SH3KBP1: variants seen among roughly 807,000 people sequenced by gnomAD.
The protein encoded by SH3KBP1 is SH3 domain containing kinase binding protein 1.
In SH3KBP1, 8 loss-of-function variants were observed where a neutral mutation model predicts 50.1. The observed-to-expected ratio is 0.16, with a 90% CI of 0.09 to 0.29. The LOEUF (loss-of-function observed/expected upper bound fraction) is 0.29, where lower values mean the gene tolerates loss of function less well. Ranked by LOEUF, SH3KBP1 falls within the 10% of genes least tolerant of loss-of-function variation. SH3KBP1 has a pLI of 1.00. For synonymous variants in SH3KBP1, 227 were observed against 218.6 expected, an observed-to-expected ratio of 1.04 and a Z score of -0.34; for missense variants, 377 against 535.2, an observed-to-expected ratio of 0.70 and a Z score of 2.92.
chrX:19,569,043 C>T, intron 13 of SH3KBP1, 60 bp downstream of exon 13: 2 of 1,022,062 alleles, frequency 2.0e-6, no homozygotes, highest in South Asian at 1.9e-5. Context: ...GAAGGCAAGC[C>T]AGGCTCTGAG....
intron 1 of SH3KBP1, among the ~76,000 whole-genome samples, chrX:19,885,153 T>C (rs1306106831): frequency 9.0e-6 from 1 of 110,911 alleles, no homozygotes; most frequent in Non-Finnish European, 1.9e-5. Context: ...ATTGATAAAC[T>C]GGATAAATCT....
At chrX:19,837,352 G>A (rs1290693163) in intron 1 of SH3KBP1, among the ~76,000 whole-genome samples, 1 of 111,713 alleles carries the variant, frequency 9.0e-6, no homozygotes, top group Non-Finnish European at 1.9e-5. Context: ...CTGACAAAGT[G>A]CCAATGCAAA....
At chrX:19,746,568 T>G in intron 2 of SH3KBP1, 127 bp from the exon 3 acceptor site, 1 of 623,962 alleles carries the variant, frequency 1.6e-6, no homozygotes, top group African/African-American at 2.3e-5. Context: ...ACATCATGTT[T>G]TAAAAACACC....
chrX:19,611,283 T>C (rs999636095), intron 8 of SH3KBP1, among the ~76,000 whole-genome samples: 1 of 112,246 alleles, frequency 8.9e-6, no homozygotes, highest in African/African-American at 3.2e-5. Context: ...AAAAACAATA[T>C]AGAAAATGTT....
At chrX:19,542,452 T>C (rs1222484910) in intron 15 of SH3KBP1, among the ~76,000 whole-genome samples, 2 of 111,831 alleles carry the variant, frequency 1.8e-5, no homozygotes, top group East Asian at 5.6e-4. Context: ...ATATACACAT[T>C]GAGATGCCCA....
At chrX:19,543,362 C>T (rs2064990811) in intron 15 of SH3KBP1, among the ~76,000 whole-genome samples, 1 of 111,569 alleles carries the variant, frequency 9.0e-6, no homozygotes, top group Non-Finnish European at 1.9e-5. Context: ...ATTTTAGGAG[C>T]CCTTAGTGAC....
chrX:19,795,839 AT>A (rs2066693316), intron 2 of SH3KBP1, among the ~76,000 whole-genome samples: 1 of 112,033 alleles, frequency 8.9e-6, no homozygotes, highest in South Asian at 3.7e-4. Context: ...GTTTGTAAAA[AT>A]TCAACAGCCG....
rs60032683 is a variant in SH3KBP1 at position 19,732,596 on chromosome X, TACACAC to T, written c.286+13716_286+13721del. 9.3e-3 allele frequency among the ~76,000 whole-genome samples: 843 copies of T among 90,699 alleles called. 4 individuals carry two copies. Among genetic ancestry groups the T allele is most frequent in the South Asian group, 0.026 (44 of 1,692 alleles). The allele number at this position is 90,699 out of a possible 115,157, so 78.8% of individuals were successfully genotyped here. ...ATTCCTTAATTTGGATAAAAATCCC[TACACAC>T]ACACACACACACACACACACACACA... is the stretch of plus-strand genomic sequence containing the variant. On this transcript the variant is annotated intron_variant, in intron 3 of 17. Coordinates refer to ENST00000397821, the MANE Select transcript of SH3KBP1 (RefSeq NM_031892.3).
chrX:19,670,236 G>A (rs1270861072), intron 6 of SH3KBP1: 18 of 300,644 alleles, frequency 6.0e-5, no homozygotes, highest in South Asian at 3.4e-4. Flanking sequence ...TAAATGCCCC[G>A]CACTACAAAA....
At chrX:19,674,705 T>G (rs777252147) in intron 6 of SH3KBP1, among the ~76,000 whole-genome samples, 1 of 112,286 alleles carries the variant, frequency 8.9e-6, no homozygotes. Flanking sequence ...CATTTAAGAC[T>G]TGGTGATATG....
At chrX:19,863,109 G>A (rs2068817858) in intron 1 of SH3KBP1, among the ~76,000 whole-genome samples, 1 of 112,561 alleles carries the variant, frequency 8.9e-6, no homozygotes, top group Non-Finnish European at 1.9e-5. Flanking sequence ...CTGGAATACA[G>A]TGGCATCTGC....
At chrX:19,797,312 C>T (rs989300609) in intron 2 of SH3KBP1, among the ~76,000 whole-genome samples, 6 of 111,138 alleles carry the variant, frequency 5.4e-5, no homozygotes, top group African/African-American at 2.0e-4. Context: ...AAGGGCCAGC[C>T]AAGCAAGGAG....
At chrX:19,814,581 C>T (rs896117756) in intron 2 of SH3KBP1, among the ~76,000 whole-genome samples, 2 of 111,983 alleles carry the variant, frequency 1.8e-5, no homozygotes, top group Admixed American at 9.4e-5. Context: ...TTGCACGTGC[C>T]GTTCCCACTG....
intron 1 of SH3KBP1, among the ~76,000 whole-genome samples, chrX:19,856,473 C>T (rs1275529089): frequency 1.8e-5 from 2 of 111,497 alleles, no homozygotes; most frequent in Non-Finnish European, 3.8e-5. Flanking sequence ...TCAGTAGCGA[C>T]CTTTAAGGCC....
intron 6 of SH3KBP1, among the ~76,000 whole-genome samples, chrX:19,677,665 C>T (rs75990690): frequency 3.6e-5 from 4 of 112,413 alleles, no homozygotes; most frequent in South Asian, 3.7e-4. Context: ...AGCCAGTTGC[C>T]GAAGGCACAA....
chrX:19,535,085 C>A lies in SH3KBP1; in HGVS notation c.*1332G>T. 1 of 297,144 alleles carries A rather than the reference C, an allele frequency of 3.4e-6. No homozygotes were observed. Among genetic ancestry groups the A allele is most frequent in the South Asian group, 2.1e-4 (1 of 4,852 alleles). The allele number at this position is 297,144 out of a possible 1,213,427, so 24.5% of individuals were successfully genotyped here. A position where few individuals can be genotyped will look rare whatever the true frequency, so the allele number is the denominator to read the frequency against. On this transcript the variant is annotated 3_prime_UTR_variant, in exon 18 of 18. Coordinates refer to ENST00000397821, the MANE Select transcript of SH3KBP1 (RefSeq NM_031892.3). Reference sequence around the variant, plus strand: ...AGGGACCACCCCCTCCACCCCTACCCCTGAACAGTCTCGCAATACAGTAGG... The same window carrying A: ...AGGGACCACCCCCTCCACCCCTACCACTGAACAGTCTCGCAATACAGTAGG...
intron 12 of SH3KBP1, among the ~76,000 whole-genome samples, chrX:19,583,701 G>C (rs2066454348): frequency 9.3e-6 from 1 of 108,004 alleles, no homozygotes; most frequent in African/African-American, 3.4e-5. Context: ...CCTAAAAACT[G>C]TGAACTGGAA....
At chrX:19,629,123 A>T (rs2061521324) in intron 8 of SH3KBP1, among the ~76,000 whole-genome samples, 1 of 110,522 alleles carries the variant, frequency 9.0e-6, no homozygotes, top group African/African-American at 3.3e-5. Context: ...AAAATAAAGC[A>T]AAACAAACAA....
intron 8 of SH3KBP1, among the ~76,000 whole-genome samples, chrX:19,628,002 C>T (rs776760266): frequency 1.8e-5 from 2 of 112,395 alleles, no homozygotes; most frequent in Non-Finnish European, 3.8e-5. Context: ...CAATAGTATA[C>T]AATCATCTCA....
Sources: allele counts gnomAD v4.1 joint callset (sites outside exome capture counted in the v4.1 genomes callset), GRCh38; gene constraint gnomAD v4.1.1; transcripts MANE v1.5; gene names NCBI Gene and HGNC (gene_info 2026-07-23, HGNC 2026-07-21).